The following RBFOX1 variants were observed in gnomAD, a reference collection of about 807,000 sequenced individuals.
The protein encoded by RBFOX1 is RNA binding fox-1 homolog 1, also known as RNA binding protein fox-1 homolog 1.
Under a neutral mutation model 57.7 loss-of-function variants are expected in RBFOX1, and 8 were observed. The observed-to-expected ratio is 0.14, with a 90% CI of 0.08 to 0.25. The LOEUF is 0.25. RBFOX1 is among the 10% of genes least tolerant of loss of function. The pLI, the probability that RBFOX1 is intolerant of heterozygous loss-of-function variation, is 1.00. For missense variants in RBFOX1, 611 were observed against 548.5 expected, an observed-to-expected ratio of 1.11 and a Z score of -1.14; for synonymous variants, 326 against 222.4, an observed-to-expected ratio of 1.47 and a Z score of -4.15.
At chr16:7,143,628 AG>A (rs1217075575) in intron 4 of RBFOX1, among the ~76,000 whole-genome samples, 1 of 152,084 alleles carries the variant, frequency 6.6e-6, no homozygotes, top group Admixed American at 6.6e-5. Context: ...GTGTCCTTGA[AG>A]GGGAGTGAGT....
chr16:6,120,936 G>A (rs539423608), intron 1 of RBFOX1, among the ~76,000 whole-genome samples: 104 of 152,342 alleles, frequency 6.8e-4, no homozygotes, highest in Admixed American at 2.6e-3. Flanking sequence ...GGGCTGTTGT[G>A]TGAAACAGCT....
chr16:6,959,371 G>C (rs911265664), intron 3 of RBFOX1, among the ~76,000 whole-genome samples: 4 of 152,144 alleles, frequency 2.6e-5, no homozygotes, highest in East Asian at 3.9e-4. Flanking sequence ...CATTTGAATG[G>C]ATTTTCAGAA....
intron 1 of RBFOX1, among the ~76,000 whole-genome samples, chr16:6,311,882 C>T (rs945759849): frequency 1.3e-5 from 2 of 152,142 alleles, no homozygotes; most frequent in African/African-American, 2.4e-5. Flanking sequence ...CACCAGGAAT[C>T]GCACATCATA....
At chr16:6,864,189 T>A (rs1340529596) in intron 3 of RBFOX1, among the ~76,000 whole-genome samples, 1 of 152,122 alleles carries the variant, frequency 6.6e-6, no homozygotes, top group Non-Finnish European at 1.5e-5. Context: ...TCCCATTACA[T>A]AAATAATTCA....
At chr16:5,890,001 T>A (rs2151932724) in intron 4 of RBFOX1, among the ~76,000 whole-genome samples, 1 of 152,302 alleles carries the variant, frequency 6.6e-6, no homozygotes, top group East Asian at 1.9e-4. Context: ...TCTTCATCTT[T>A]TGACATGCAG....
At chr16:6,922,479 C>G (rs906988827) in intron 3 of RBFOX1, among the ~76,000 whole-genome samples, 1 of 152,140 alleles carries the variant, frequency 6.6e-6, no homozygotes, top group Non-Finnish European at 1.5e-5. Context: ...GGTTGCTAAT[C>G]TTTTAGCTCA....
intron 1 of RBFOX1, among the ~76,000 whole-genome samples, chr16:6,122,979 A>G (rs907803443): frequency 1.3e-5 from 2 of 152,048 alleles, no homozygotes; most frequent in African/African-American, 4.8e-5. Flanking sequence ...AAACTATTGG[A>G]AATATGTAAA....
intron 2 of RBFOX1, among the ~76,000 whole-genome samples, chr16:6,399,711 C>G (rs553244800): frequency 6.6e-6 from 1 of 152,010 alleles, no homozygotes; most frequent in African/African-American, 2.4e-5. Context: ...TCAATAACAG[C>G]TTATGTATTA....
chr16:6,483,302 G>T (rs1314040045), intron 2 of RBFOX1: 2 of 1,396,292 alleles, frequency 1.4e-6, no homozygotes. Context: ...GCTCGCTCTC[G>T]CGCCCGCGCG....
intron 5 of RBFOX1, among the ~76,000 whole-genome samples, chr16:7,577,322 TG>T (rs1199969625): frequency 1.3e-5 from 2 of 152,140 alleles, no homozygotes; most frequent in African/African-American, 4.8e-5. Flanking sequence ...TGACTATCTT[TG>T]AAACCTGTCC....
intron 10 of RBFOX1, among the ~76,000 whole-genome samples, chr16:7,621,831 A>G (rs1171276578): frequency 1.3e-5 from 2 of 152,222 alleles, no homozygotes; most frequent in South Asian, 4.1e-4. Context: ...GTAAAGGGCC[A>G]GACAGTAAAC....
chr16:5,442,843 A>T (rs937943547), intron 1 of RBFOX1, among the ~76,000 whole-genome samples: 1 of 152,188 alleles, frequency 6.6e-6, no homozygotes, highest in African/African-American at 2.4e-5. Flanking sequence ...CCTTGGAAAT[A>T]AGGTCTTTGC....
At chr16:7,615,751 A>G (rs2058335026) in intron 10 of RBFOX1, among the ~76,000 whole-genome samples, 1 of 152,060 alleles carries the variant, frequency 6.6e-6, no homozygotes. Context: ...AGTGTTGTTC[A>G]CTGCTGACAT....
intron 4 of RBFOX1, among the ~76,000 whole-genome samples, chr16:7,131,031 T>C (rs1334137758): frequency 6.6e-6 from 1 of 152,122 alleles, no homozygotes; most frequent in Non-Finnish European, 1.5e-5. Flanking sequence ...TGACTTTGAA[T>C]TGCCTTTTTA....
At chr16:6,369,254 A>G (rs9746780) in intron 2 of RBFOX1, among the ~76,000 whole-genome samples, 8,120 of 152,260 alleles carry the variant, frequency 0.053, 719 homozygotes, top group African/African-American at 0.19. Context: ...TTATAAACAA[A>G]ATTGATATGC....
chr16:7,652,907 A>G (rs2065387787), intron 11 of RBFOX1, among the ~76,000 whole-genome samples: 1 of 152,242 alleles, frequency 6.6e-6, no homozygotes, highest in African/African-American at 2.4e-5. Flanking sequence ...AGAAGTTTTA[A>G]GAAGTGATAT....
chr16:7,023,415 A>G (rs2039890998), intron 3 of RBFOX1, among the ~76,000 whole-genome samples: 4 of 151,294 alleles, frequency 2.6e-5, no homozygotes, highest in African/African-American at 9.7e-5. Flanking sequence ...AGCCGAGATC[A>G]TGTCATTGAA....
intron 1 of RBFOX1, among the ~76,000 whole-genome samples, chr16:6,270,786 A>T (rs576781131): frequency 6.6e-6 from 1 of 152,342 alleles, no homozygotes; most frequent in East Asian, 1.9e-4. Flanking sequence ...TTTCATGTCC[A>T]TGGGAGATAT....
At chr16:6,925,362 C>A (rs151211540) in intron 3 of RBFOX1, among the ~76,000 whole-genome samples, 1 of 151,262 alleles carries the variant, frequency 6.6e-6, no homozygotes, top group African/African-American at 2.4e-5. Context: ...TGACCTCAGG[C>A]GATCTACCTG....
Sources: gnomAD v4.1 joint callset for allele counts (sites outside exome capture counted in the v4.1 genomes callset) on GRCh38, gnomAD v4.1.1 for gene constraint, MANE v1.5 for transcripts, NCBI Gene and HGNC (gene_info 2026-07-23, HGNC 2026-07-21) for gene names.